SNTG1: variants seen among roughly 807,000 people sequenced by gnomAD.
SNTG1 encodes the protein gamma-1-syntrophin.
A neutral mutation model predicts 74.7 loss-of-function variants in SNTG1; 39 were observed. The observed-to-expected ratio is 0.52, with a 90% CI of 0.40 to 0.68. The LOEUF (loss-of-function observed/expected upper bound fraction) is 0.68. Ranked by LOEUF, SNTG1 falls within the 30% of genes least tolerant of loss-of-function variation. SNTG1 has a pLI of 0.00. For missense variants in SNTG1, 685 were observed against 609.5 expected, an observed-to-expected ratio of 1.12 and a Z score of -1.30; for synonymous variants, 254 against 217.1, an observed-to-expected ratio of 1.17 and a Z score of -1.49.
intron 1 of SNTG1, among the ~76,000 whole-genome samples, chr8:50,127,354 T>C (rs1263932323): frequency 6.6e-6 from 1 of 152,164 alleles, no homozygotes; most frequent in East Asian, 1.9e-4. Flanking sequence ...AATGAAGGTA[T>C]GGACTTACTT....
intron 2 of SNTG1, among the ~76,000 whole-genome samples, chr8:50,359,646 T>C (rs2091907070): frequency 1.3e-5 from 2 of 152,112 alleles, no homozygotes; most frequent in African/African-American, 4.8e-5. Flanking sequence ...ACAGTGAAAA[T>C]AAATGAAAGA....
intron 1 of SNTG1, among the ~76,000 whole-genome samples, chr8:50,108,118 T>C (rs1586307918): frequency 6.6e-6 from 1 of 152,304 alleles, no homozygotes; most frequent in African/African-American, 2.4e-5. Context: ...GTCACACAAA[T>C]TCTACCTTGC....
intron 13 of SNTG1, among the ~76,000 whole-genome samples, chr8:50,621,553 C>T (rs1375568750): frequency 6.6e-6 from 1 of 152,104 alleles, no homozygotes; most frequent in Non-Finnish European, 1.5e-5. Flanking sequence ...TAGAGTAGAG[C>T]CTCGATAATA....
At chr8:50,598,521 TAA>T (rs2094748043) in intron 13 of SNTG1, among the ~76,000 whole-genome samples, 1 of 151,966 alleles carries the variant, frequency 6.6e-6, no homozygotes, top group Non-Finnish European at 1.5e-5. Context: ...TGTGATGCCT[TAA>T]CTTTGTTCTT....
chr8:50,403,628 A>G (rs923652923), intron 4 of SNTG1, among the ~76,000 whole-genome samples: 11 of 152,254 alleles, frequency 7.2e-5, no homozygotes, highest in Admixed American at 4.6e-4. Context: ...GCTGATACAC[A>G]TAGACCTATT....
chr8:50,313,494 A>G (rs1223911120), intron 2 of SNTG1, among the ~76,000 whole-genome samples: 1 of 149,822 alleles, frequency 6.7e-6, no homozygotes, highest in Non-Finnish European at 1.5e-5. Context: ...AAATGGGCAA[A>G]TGATCTGAGT....
intron 15 of SNTG1, among the ~76,000 whole-genome samples, chr8:50,670,003 A>G (rs1197893136): frequency 6.6e-6 from 1 of 152,226 alleles, no homozygotes; most frequent in African/African-American, 2.4e-5. Flanking sequence ...GTTTCATGCT[A>G]AAAACTCTCA....
Position 50,652,103 on chromosome 8 carries a change from C to A in SNTG1, c.850-4806C>A, listed in dbSNP as rs183766101. Among the ~76,000 whole-genome samples the A allele has an allele frequency of 2.1e-3, 318 of 152,220 alleles. 4 individuals are homozygous for A. The highest frequency in any genetic ancestry group is 6.7e-3 in the African/African-American group (278 of 41,542). ...TCTGTGAACTATGTTGCTTAATTTT[C>A]AAATCTTTTGGAGGGGGATATTCTA... On this transcript the variant is annotated intron_variant, in intron 13 of 18. Transcript: ENST00000642720.
At chr8:50,448,654 T>G (rs533890999) in intron 5 of SNTG1, among the ~76,000 whole-genome samples, 2 of 152,196 alleles carry the variant, frequency 1.3e-5, no homozygotes, top group Non-Finnish European at 2.9e-5. Flanking sequence ...TCTTTTTCCG[T>G]TTTTAAGGAT....
At chr8:49,926,391 G>A (rs964858716) in intron 1 of SNTG1, among the ~76,000 whole-genome samples, 19 of 152,054 alleles carry the variant, frequency 1.2e-4, no homozygotes, top group Non-Finnish European at 2.5e-4. Flanking sequence ...AGCATATATT[G>A]TGCCATAAAG....
intron 8 of SNTG1, among the ~76,000 whole-genome samples, chr8:50,465,014 T>C (rs1433144417): frequency 6.6e-6 from 1 of 151,022 alleles, no homozygotes; most frequent in Non-Finnish European, 1.5e-5. Flanking sequence ...ACCTTCAATA[T>C]ATGAAATATG....
intron 1 of SNTG1, among the ~76,000 whole-genome samples, chr8:50,137,815 G>A (rs2081523968): frequency 6.6e-6 from 1 of 152,110 alleles, no homozygotes; most frequent in Non-Finnish European, 1.5e-5. Context: ...TGGACGAGCT[G>A]AGCTTGGAGG....
At chr8:50,216,285 T>A (rs531930033) in intron 2 of SNTG1, among the ~76,000 whole-genome samples, 12 of 152,354 alleles carry the variant, frequency 7.9e-5, no homozygotes, top group African/African-American at 2.4e-4. Flanking sequence ...CTCTCATTAA[T>A]CACTTCTAGT....
At chr8:50,065,942 C>A (rs148557502) in intron 1 of SNTG1, among the ~76,000 whole-genome samples, 19 of 152,284 alleles carry the variant, frequency 1.2e-4, no homozygotes, top group African/African-American at 4.1e-4. Context: ...ATCAGCTGGG[C>A]ACTGTGGCTC....
intron 12 of SNTG1, among the ~76,000 whole-genome samples, chr8:50,572,794 T>A (rs184488568): frequency 1.3e-5 from 2 of 152,286 alleles, no homozygotes; most frequent in East Asian, 3.9e-4. Context: ...TTTATTTCTA[T>A]AGAATAATGA....
rs13252090 is a variant in SNTG1, at chr8:50,643,547, G to A, written c.850-13362G>A. ...TCGCAACCAACTATGTGCCCTTCCC[G>A]AAAGTGAAGATTACTTCTTTCTGAG... On this transcript the variant is annotated intron_variant, in intron 13 of 18. Transcript: ENST00000642720. 2.0e-5 allele frequency among the ~76,000 whole-genome samples: 3 copies of A among 152,148 alleles called. No individual in the cohort carries two copies. In the East Asian group the frequency reaches 5.8e-4, roughly 29 times the overall value.
chr8:50,614,967 G>T (rs1261938565), intron 13 of SNTG1, among the ~76,000 whole-genome samples: 2 of 149,194 alleles, frequency 1.3e-5, no homozygotes, highest in Non-Finnish European at 3.0e-5. Context: ...TTTTGAGACG[G>T]AGTCTCACTC....
At chr8:50,498,664 G>C (rs1466194917) in intron 8 of SNTG1, among the ~76,000 whole-genome samples, 1 of 151,774 alleles carries the variant, frequency 6.6e-6, no homozygotes, top group Non-Finnish European at 1.5e-5. Context: ...AATAAATCCT[G>C]CCTTAATGCC....
rs111506561 is a variant in SNTG1 at position 49,924,973 on chromosome 8, GA to G, written c.-103+12743del. On this transcript the variant is annotated intron_variant, in intron 1 of 18. Transcript: ENST00000642720. The stretch of plus-strand genomic sequence containing the variant: ...GAGATCAGCCTGGACAACAAAGTGA[GA>G]CCCCCCCATCACTACAAAAAGTAAA... Among the ~76,000 whole-genome samples, 129 of 151,924 alleles carry G rather than the reference GA, an allele frequency of 8.5e-4. 1 individual carries two copies. The highest frequency in any genetic ancestry group is 3.0e-3 in the African/African-American group (125 of 41,436).
Sources: allele counts gnomAD v4.1 joint callset (sites outside exome capture counted in the v4.1 genomes callset), GRCh38; gene constraint gnomAD v4.1.1; transcripts MANE v1.5; gene names NCBI Gene and HGNC (gene_info 2026-07-23, HGNC 2026-07-21).